The following CCDC93 variants were observed in gnomAD, a reference collection of about 807,000 sequenced individuals.
CCDC93 encodes the protein CCC complex scaffolding subunit CCDC93.
In CCDC93, 61 loss-of-function variants were observed where a neutral mutation model predicts 108.2. The observed-to-expected ratio is 0.56, with a 90% CI of 0.46 to 0.70. CCDC93 has a LOEUF of 0.70. Among genes scored for constraint, CCDC93 ranks in the 30% least tolerant of loss-of-function variants. The pLI, the probability that CCDC93 is intolerant of heterozygous loss-of-function variation, is 0.00. For missense variants in CCDC93, 685 were observed against 764.2 expected, an observed-to-expected ratio of 0.90 and a Z score of 1.22; for synonymous variants, 276 against 260.4, an observed-to-expected ratio of 1.06 and a Z score of -0.58.
chr2:117,949,128 C>T (rs1160812401), intron 14 of CCDC93, among the ~76,000 whole-genome samples, 194 bp downstream of exon 14: 1 of 152,188 alleles, frequency 6.6e-6, no homozygotes, highest in East Asian at 1.9e-4. Flanking sequence ...AGGTGACTAA[C>T]CCAGGGCAGC....
chr2:117,973,923 G>A lies in CCDC93; in HGVS notation c.873C>T (p.Ser291=), dbSNP rs759873941. Reference sequence around the variant, plus strand: ...CCCCACCTACCTTCTCTGCATACTCGGACACAATCTGCTTGATCTCAGCAG... The same window carrying A: ...CCCCACCTACCTTCTCTGCATACTCAGACACAATCTGCTTGATCTCAGCAG... The part of the protein sequence containing the change: ...LCSAEIKQIV[S]EYAEKQSELS... Residue 291 remains serine, a synonymous_variant, in exon 11 of 24, where the codon TCC becomes TCT. Coordinates refer to ENST00000376300, the MANE Select transcript of CCDC93 (RefSeq NM_019044.5). 7.4e-6 allele frequency: 12 copies of A among 1,611,594 alleles called. No homozygotes were observed. The highest frequency in any genetic ancestry group is 1.7e-4 in the Middle Eastern group (1 of 6,060).
intron 13 of CCDC93, 106 bp downstream of exon 13, chr2:117,952,267 G>A (rs375486554): frequency 7.5e-6 from 6 of 802,532 alleles, no homozygotes; most frequent in Admixed American, 3.6e-5. Flanking sequence ...GAACAGGATC[G>A]TGTCTCCCAC....
chr2:117,948,810 C>A (rs1259901605), intron 14 of CCDC93, among the ~76,000 whole-genome samples: 7 of 152,182 alleles, frequency 4.6e-5, no homozygotes, highest in African/African-American at 1.7e-4. Flanking sequence ...CTAAAAAGGT[C>A]AAATGTTAAG....
At chr2:117,938,932 C>G (rs11903550) in intron 20 of CCDC93, 97 bp downstream of exon 20, 23 of 656,970 alleles carry the variant, frequency 3.5e-5, no homozygotes, top group Middle Eastern at 2.7e-4. Flanking sequence ...TCTGCTAATG[C>G]TGAACATACC....
At chr2:117,952,583 G>GA (rs1031707751) in intron 12 of CCDC93, 148 bp from the exon 13 acceptor site, 2 of 631,786 alleles carry the variant, frequency 3.2e-6, no homozygotes, top group Non-Finnish European at 2.8e-6. Flanking sequence ...AACAAATGAA[G>GA]AAAAAAACCT....
intron 6 of CCDC93, among the ~76,000 whole-genome samples, chr2:117,994,993 A>G (rs1372250741): frequency 6.6e-6 from 1 of 152,140 alleles, no homozygotes; most frequent in African/African-American, 2.4e-5. Context: ...GTGCAGACTC[A>G]TTGTGATTAA....
At position 117,973,892 on chromosome 2, in the gene CCDC93, C is replaced by G. The variant is rs1160395225; in HGVS notation, c.888+16G>C. ...GCATTATCTGGGGCACAGACTCCAG[C>G]TGGGCCCCCACCTACCTTCTCTGCA... On this transcript the variant is annotated intron_variant, in intron 11 of 23. Coordinates refer to ENST00000376300, the MANE Select transcript of CCDC93 (RefSeq NM_019044.5). 3.1e-6 allele frequency: 5 copies of G among 1,593,864 alleles called. No individual in the cohort carries two copies. Among genetic ancestry groups the G allele is most frequent in the Non-Finnish European group, 4.3e-6 (5 of 1,166,124 alleles).
At chr2:117,939,893 T>C (rs2104727601) in intron 19 of CCDC93, among the ~76,000 whole-genome samples, 1 of 152,272 alleles carries the variant, frequency 6.6e-6, no homozygotes, top group African/African-American at 2.4e-5. Context: ...AAGATGCAGA[T>C]GTGCAAGAGG....
At chr2:117,930,579 C>G (rs1678292714) in intron 23 of CCDC93, 1 of 152,960 alleles carries the variant, frequency 6.5e-6, no homozygotes, top group African/African-American at 2.4e-5. Flanking sequence ...AGGTCATTGC[C>G]AAAAAACACA....
intron 15 of CCDC93, 129 bp downstream of exon 15, chr2:117,947,976 G>A (rs771021457): frequency 4.4e-5 from 32 of 724,922 alleles, no homozygotes; most frequent in Admixed American, 6.6e-5. Context: ...TTACAGGCAT[G>A]AGCCACTGCG....
chr2:117,949,572 AAAG>A (rs1678984739), intron 13 of CCDC93, 177 bp from the exon 14 acceptor site: 1 of 244,798 alleles, frequency 4.1e-6, no homozygotes, highest in Non-Finnish European at 6.5e-6. Context: ...ATATTTTAAA[AAAG>A]AATAAAGTAG....
intron 11 of CCDC93, among the ~76,000 whole-genome samples, chr2:117,965,456 T>C (rs17047593): frequency 0.079 from 11,961 of 152,186 alleles, 568 homozygotes; most frequent in Admixed American, 0.11. Context: ...GGGTGTGGTA[T>C]CTTCACTCAG....
At chr2:117,976,740 G>C (rs1679954719) in intron 8 of CCDC93, among the ~76,000 whole-genome samples, 1 of 152,162 alleles carries the variant, frequency 6.6e-6, no homozygotes, top group South Asian at 2.1e-4. Context: ...AAACCAGCTA[G>C]TCTGGCTTTA....
rs78987319 is a variant in CCDC93 at position 117,923,427 on chromosome 2, C to A, written c.1843-3031G>T. On this transcript the variant is annotated intron_variant, in intron 23 of 23. Coordinates refer to ENST00000376300, the MANE Select transcript of CCDC93 (RefSeq NM_019044.5). The stretch of plus-strand genomic sequence containing the variant: ...GGGTCACTCCCACCCTAATACTGTG[C>A]TTTTCCAACGGTCTTAGCAAATGGC... Among the ~76,000 whole-genome samples, 10 of 152,308 alleles carry A rather than the reference C, an allele frequency of 6.6e-5. No individual in the cohort carries two copies. The East Asian group carries it at 1.7e-3, about 26-fold the overall frequency.
At chr2:117,978,063 C>A (rs1157550583) in intron 7 of CCDC93, 33 bp from the exon 8 acceptor site, 2 of 1,601,482 alleles carry the variant, frequency 1.2e-6, no homozygotes, top group African/African-American at 2.7e-5. Flanking sequence ...TTAATTACTA[C>A]TTAAAAAATT....
chr2:117,984,517 C>T (rs1285214502), intron 7 of CCDC93, among the ~76,000 whole-genome samples: 1 of 152,142 alleles, frequency 6.6e-6, no homozygotes, highest in East Asian at 1.9e-4. Context: ...CAAAAGATCC[C>T]ATTTGAACCT....
chr2:117,950,032 T>G (rs1416787507), intron 13 of CCDC93: 1 of 985,262 alleles, frequency 1.0e-6, no homozygotes, highest in Non-Finnish European at 1.2e-6. Flanking sequence ...CAGGGCGGGG[T>G]CCCACATAGT....
chr2:118,010,803 G>T (rs908495734), intron 1 of CCDC93, among the ~76,000 whole-genome samples: 3 of 152,100 alleles, frequency 2.0e-5, no homozygotes, highest in African/African-American at 7.2e-5. Context: ...ATCAAGACAA[G>T]GCCATGGCTA....
intron 6 of CCDC93, among the ~76,000 whole-genome samples, chr2:117,992,241 C>T (rs1680495882): frequency 6.6e-6 from 1 of 151,888 alleles, no homozygotes; most frequent in Non-Finnish European, 1.5e-5. Context: ...TTTTCCATTC[C>T]CCTTTTTATT....
Sources: gnomAD v4.1 joint callset for allele counts (sites outside exome capture counted in the v4.1 genomes callset) on GRCh38, gnomAD v4.1.1 for gene constraint, MANE v1.5 for transcripts, NCBI Gene and HGNC (gene_info 2026-07-23, HGNC 2026-07-21) for gene names.